Variants in ZNF345 observed in about 807,000 individuals in gnomAD.
ZNF345 encodes zinc finger protein 345, also known as zinc finger protein HZF10.
For synonymous variants in ZNF345, 166 were observed against 187.9 expected (o/e 0.88, Z 0.95); for missense variants, 527 against 589.9 (o/e 0.89, Z 1.10).
chr19:36,887,294 C>A (rs1230656005), intron 3 of ZNF345, among the ~76,000 whole-genome samples: 1 of 152,038 alleles, frequency 6.6e-6, no homozygotes, highest in Non-Finnish European at 1.5e-5. Context: ...GCTTAGAATG[C>A]TGGAACAGAA....
In ZNF345 at chr19:36,887,442, C is replaced by T. The variant is rs376228805; in HGVS notation, c.47-5376C>T. On this transcript the variant is annotated intron_variant, in intron 3 of 3. Coordinates refer to the ZNF345 transcript ENST00000526123. ...AAGATGTTTTTAGTAGTAGGGGAAA[C>T]TAGGTGTAGGGTATATGGGAATTCT... 4.9e-4 allele frequency among the ~76,000 whole-genome samples: 74 copies of T among 152,166 alleles called. 2 individuals are homozygous for T. In the East Asian group the frequency reaches 6.0e-3, roughly 12 times the overall value.
intron 2 of ZNF345, among the ~76,000 whole-genome samples, chr19:36,866,751 G>C (rs7256405): frequency 0.011 from 1,748 of 152,144 alleles, 42 homozygotes; most frequent in African/African-American, 0.04. Context: ...GGGTTTCACT[G>C]TGTTGGCCAG....
intron 2 of ZNF345, among the ~76,000 whole-genome samples, chr19:36,863,614 C>A (rs926633639): frequency 3.9e-5 from 6 of 152,178 alleles, no homozygotes; most frequent in African/African-American, 1.4e-4. Flanking sequence ...CTGAGCAGTT[C>A]TGTGTTTTTC....
At chr19:36,871,820 T>C (rs1178019747) in intron 2 of ZNF345, among the ~76,000 whole-genome samples, 1 of 152,058 alleles carries the variant, frequency 6.6e-6, no homozygotes, top group African/African-American at 2.4e-5. Context: ...CAGGCTGGAG[T>C]GCAATGGTAC....
chr19:36,865,920 A>G (rs2072650577), intron 2 of ZNF345, among the ~76,000 whole-genome samples: 1 of 152,198 alleles, frequency 6.6e-6, no homozygotes, highest in South Asian at 2.1e-4. Context: ...TGATTGTTGT[A>G]GACAATTGTG....
intron 2 of ZNF345, among the ~76,000 whole-genome samples, chr19:36,859,455 CTTTTATG>C (rs2072497254): frequency 6.6e-6 from 1 of 151,606 alleles, no homozygotes. Flanking sequence ...CACACCCAGA[CTTTTATG>C]TTTTATTTTT....
At chr19:36,863,086 A>C (rs1256188740) in intron 2 of ZNF345, 1 of 152,134 alleles carries the variant, frequency 6.6e-6, no homozygotes, top group Non-Finnish European at 1.5e-5. Flanking sequence ...TGAACAAACA[A>C]ATTTCTGTTA....
intron 2 of ZNF345, among the ~76,000 whole-genome samples, chr19:36,876,493 TTAAAC>T (rs1051627479): frequency 1.9e-4 from 29 of 152,194 alleles, no homozygotes; most frequent in African/African-American, 5.5e-4. Flanking sequence ...TGCAGGACTT[TTAAAC>T]TAAACTAAAC....
intron 2 of ZNF345, among the ~76,000 whole-genome samples, chr19:36,862,619 A>AT (rs2072573422): frequency 6.7e-6 from 1 of 148,344 alleles, no homozygotes; most frequent in Non-Finnish European, 1.5e-5. Flanking sequence ...AGCCAAGATC[A>AT]TGCCACTGCA....
chr19:36,851,741 G>A (rs1600681944), intron 1 of ZNF345, 89 bp from the exon 2 acceptor site: 1 of 152,370 alleles, frequency 6.6e-6, no homozygotes, highest in East Asian at 1.9e-4. Context: ...ATGGGCAGTA[G>A]GGGCTGAGCA....
intron 2 of ZNF345, among the ~76,000 whole-genome samples, chr19:36,861,944 C>T (rs148937553): frequency 2.5e-3 from 372 of 151,684 alleles, no homozygotes; most frequent in African/African-American, 8.6e-3. Flanking sequence ...TCACTGTAAC[C>T]TCTGCCTCCC....
chr19:36,864,279 C>T (rs1033892435), intron 2 of ZNF345, among the ~76,000 whole-genome samples: 6 of 152,296 alleles, frequency 3.9e-5, no homozygotes, highest in African/African-American at 1.4e-4. Context: ...AATCCCAACA[C>T]TTGGGGAAGC....
rs186715807 is a variant in ZNF345 at position 36,854,806 on chromosome 19, T to C, written c.-47+2902T>C. Among the ~76,000 whole-genome samples, 15 of 152,258 alleles carry C rather than the reference T, an allele frequency of 9.9e-5. No individual in the cohort carries two copies. In the Middle Eastern group the frequency reaches 0.01, roughly 104 times the overall value. On this transcript the variant is annotated intron_variant, in intron 2 of 2. Coordinates refer to ENST00000420450, the MANE Select transcript of ZNF345 (RefSeq NM_001242472.2). ...ATCTGGTACAATCAAGCCTGCTTTT[T>C]CGTTATCTTTTACTCTTCTCACTTA...
At chr19:36,865,925 A>G (rs923707437) in intron 2 of ZNF345, among the ~76,000 whole-genome samples, 6 of 152,152 alleles carry the variant, frequency 3.9e-5, no homozygotes, top group Non-Finnish European at 7.3e-5. Context: ...GTTGTAGACA[A>G]TTGTGCATTT....
intron 2 of ZNF345, among the ~76,000 whole-genome samples, chr19:36,855,021 T>G (rs1205637844): frequency 6.6e-6 from 1 of 151,104 alleles, no homozygotes; most frequent in Non-Finnish European, 1.5e-5. Context: ...CCAGCTAATT[T>G]TTTGTATTTT....
chr19:36,856,664 T>C (rs1253514231), intron 2 of ZNF345, among the ~76,000 whole-genome samples: 1 of 152,112 alleles, frequency 6.6e-6, no homozygotes, highest in African/African-American at 2.4e-5. Flanking sequence ...GAGACCAGCC[T>C]GGACAACACG....
At chr19:36,874,505 A>AGGG (rs113753730) in intron 2 of ZNF345, among the ~76,000 whole-genome samples, 27 of 144,698 alleles carry the variant, frequency 1.9e-4, no homozygotes, top group East Asian at 4.0e-4. Flanking sequence ...AAAAAAAAAA[A>AGGG]GGGGGGTGGG....
intron 2 of ZNF345, among the ~76,000 whole-genome samples, chr19:36,868,297 C>T (rs537753105): frequency 1.8e-4 from 28 of 152,162 alleles, no homozygotes; most frequent in African/African-American, 4.6e-4. Context: ...CCACCGCGCC[C>T]GGCCTTGAGT....
At chr19:36,872,774 CA>C (rs1212467200) in intron 2 of ZNF345, 30 of 152,170 alleles carry the variant, frequency 2.0e-4, no homozygotes, top group African/African-American at 7.0e-4. Flanking sequence ...TTCTATTAAA[CA>C]GGTATATATT....
Sources: gnomAD v4.1 joint callset for allele counts (sites outside exome capture counted in the v4.1 genomes callset) on GRCh38, gnomAD v4.1.1 for gene constraint, MANE v1.5 for transcripts, NCBI Gene and HGNC (gene_info 2026-07-23, HGNC 2026-07-21) for gene names.